GPHN: variants seen among roughly 807,000 people sequenced by gnomAD.
GPHN encodes the protein gephyrin.
GPHN carries 17 observed loss-of-function variants against 95.5 expected under a neutral mutation model. That is an observed-to-expected ratio of 0.18 (90% CI 0.12 to 0.27). GPHN has a LOEUF of 0.27. Ranked by LOEUF, GPHN falls within the 10% of genes least tolerant of loss-of-function variation. The pLI is 1.00. For missense variants in GPHN, 660 were observed against 978.1 expected (o/e 0.67, Z 4.34); for synonymous variants, 320 against 322.5 (o/e 0.99, Z 0.08).
chr14:67,152,466 C>A (rs1054349898), intron 18 of GPHN, among the ~76,000 whole-genome samples: 3 of 125,830 alleles, frequency 2.4e-5, no homozygotes, highest in Admixed American at 2.3e-4. Context: ...TTATTTAACT[C>A]AACAACGAGC....
At chr14:67,032,747 C>T (rs962642123) in intron 10 of GPHN, among the ~76,000 whole-genome samples, 4 of 152,144 alleles carry the variant, frequency 2.6e-5, no homozygotes, top group African/African-American at 9.7e-5. Context: ...GAGGCCGCCT[C>T]AGAATTTCTA....
intron 3 of GPHN, among the ~76,000 whole-genome samples, chr14:66,814,385 C>G (rs953587720): frequency 3.3e-5 from 5 of 152,174 alleles, no homozygotes; most frequent in Non-Finnish European, 1.5e-5. Flanking sequence ...TGGTGAACAC[C>G]TGCAGGGAGG....
the GPHN span, among the ~76,000 whole-genome samples, chr14:67,502,258 G>A: frequency 2.6e-5 from 4 of 151,858 alleles, no homozygotes; most frequent in Non-Finnish European, 4.4e-5. Flanking sequence ...TTGAACCTGG[G>A]AGGTGGAGGT....
At chr14:66,832,283 A>C (rs1054840598) in intron 4 of GPHN, among the ~76,000 whole-genome samples, 1 of 152,208 alleles carries the variant, frequency 6.6e-6, no homozygotes, top group Non-Finnish European at 1.5e-5. Flanking sequence ...CAATAAATGC[A>C]TGTAAAAGGA....
At chr14:66,572,902 A>T (rs1009923001) in intron 1 of GPHN, among the ~76,000 whole-genome samples, 1 of 152,034 alleles carries the variant, frequency 6.6e-6, no homozygotes, top group Non-Finnish European at 1.5e-5. Context: ...CTTTTCATAT[A>T]TGGTCTTTAT....
chr14:66,990,101 G>C (rs949323878), intron 9 of GPHN, among the ~76,000 whole-genome samples: 2 of 152,154 alleles, frequency 1.3e-5, no homozygotes, highest in African/African-American at 4.8e-5. Context: ...AGGTGAAGGG[G>C]AAACAAGGTA....
At chr14:67,219,625 G>A in the GPHN span, among the ~76,000 whole-genome samples, 1 of 152,238 alleles carries the variant, frequency 6.6e-6, no homozygotes, top group South Asian at 2.1e-4. Flanking sequence ...AGCAGGTACT[G>A]TTTCATTAGT....
chr14:67,480,143 T>A, the GPHN span, among the ~76,000 whole-genome samples: 1 of 152,174 alleles, frequency 6.6e-6, no homozygotes, highest in Admixed American at 6.5e-5. Context: ...AGGGCAGCTG[T>A]CATTTCTGGC....
intron 13 of GPHN, among the ~76,000 whole-genome samples, chr14:67,106,868 T>A (rs185475390): frequency 1.0e-3 from 153 of 152,296 alleles, no homozygotes; most frequent in African/African-American, 3.5e-3. Flanking sequence ...ATTCCTTTAG[T>A]GGTGTCATAT....
intron 10 of GPHN, among the ~76,000 whole-genome samples, chr14:67,049,002 A>G (rs758049138): frequency 1.3e-5 from 2 of 152,082 alleles, no homozygotes; most frequent in Non-Finnish European, 1.5e-5. Context: ...ACCTTTTTTA[A>G]AATGTTTCAT....
intron 3 of GPHN, among the ~76,000 whole-genome samples, chr14:66,810,298 C>T (rs558844768): frequency 6.6e-6 from 1 of 151,828 alleles, no homozygotes; most frequent in Admixed American, 6.6e-5. Flanking sequence ...ACTTGAAAAC[C>T]AGACCTCTGT....
At chr14:67,378,508 G>T in the GPHN span, among the ~76,000 whole-genome samples, 1 of 152,102 alleles carries the variant, frequency 6.6e-6, no homozygotes, top group Non-Finnish European at 1.5e-5. Flanking sequence ...ACAAATCATA[G>T]AGCCAGGCAG....
the GPHN span, among the ~76,000 whole-genome samples, chr14:67,596,374 C>G: frequency 7.1e-6 from 1 of 140,038 alleles, no homozygotes; most frequent in Non-Finnish European, 1.5e-5. Context: ...CTCCTGACCT[C>G]AGGCAATCCA....
At chr14:66,824,140 A>T (rs1276633765) in intron 3 of GPHN, among the ~76,000 whole-genome samples, 5 of 152,148 alleles carry the variant, frequency 3.3e-5, no homozygotes, top group Non-Finnish European at 5.9e-5. Context: ...AATCTCTATA[A>T]CTGTCATAGT....
intron 1 of GPHN, among the ~76,000 whole-genome samples, chr14:66,524,598 T>C (rs1055204927): frequency 3.3e-5 from 5 of 152,108 alleles, no homozygotes; most frequent in African/African-American, 1.2e-4. Context: ...GCTGTACCCA[T>C]CAACCTGTCA....
the GPHN span, among the ~76,000 whole-genome samples, chr14:67,498,778 G>A: frequency 6.6e-6 from 1 of 152,052 alleles, no homozygotes; most frequent in Non-Finnish European, 1.5e-5. Flanking sequence ...CAATTCTCCT[G>A]TCTCAGTCTC....
At chr14:67,063,396 G>T (rs1054776996) in intron 11 of GPHN, among the ~76,000 whole-genome samples, 7 of 152,174 alleles carry the variant, frequency 4.6e-5, no homozygotes, top group Non-Finnish European at 2.9e-5. Context: ...TTTTGCTTAG[G>T]ATTGTCTTGG....
intron 2 of GPHN, among the ~76,000 whole-genome samples, chr14:66,698,167 A>T (rs1480673271): frequency 1.3e-5 from 2 of 152,216 alleles, no homozygotes; most frequent in African/African-American, 4.8e-5. Flanking sequence ...CTGAAATTTC[A>T]TCACAAGTTA....
At chr14:67,542,328 G>A in the GPHN span, among the ~76,000 whole-genome samples, 4 of 152,042 alleles carry the variant, frequency 2.6e-5, no homozygotes, top group African/African-American at 4.8e-5. Flanking sequence ...ACGGTGTTTC[G>A]GGAGAAAACA....
Sources: allele counts gnomAD v4.1 joint callset (sites outside exome capture counted in the v4.1 genomes callset), GRCh38; gene constraint gnomAD v4.1.1; transcripts MANE v1.5; gene names NCBI Gene and HGNC (gene_info 2026-07-23, HGNC 2026-07-21).